ZFP30: variants seen among roughly 807,000 people sequenced by gnomAD.
ZFP30 encodes the protein ZFP30 zinc finger protein, also known as zinc finger protein 30 homolog.
In ZFP30, 16 loss-of-function variants were observed where a neutral mutation model predicts 12.3. The observed-to-expected ratio is 1.30, with a 90% CI of 0.88 to 1.98. ZFP30 has a LOEUF of 1.98. Ranked by LOEUF, ZFP30 falls within the 30% of genes most tolerant of loss-of-function variation. The pLI is 0.00. For synonymous variants in ZFP30, 172 were observed against 201.0 expected (o/e 0.86, Z 1.22); for missense variants, 560 against 611.2 (o/e 0.92, Z 0.88).
intron 2 of ZFP30, among the ~76,000 whole-genome samples, chr19:37,648,215 T>C (rs1230463155): frequency 6.6e-6 from 1 of 152,186 alleles, no homozygotes; most frequent in Non-Finnish European, 1.5e-5. Context: ...GAATGGGTTG[T>C]GCAGACCTGT....
chr19:37,638,996 A>C (rs922028474), intron 5 of ZFP30, among the ~76,000 whole-genome samples: 6 of 152,198 alleles, frequency 3.9e-5, no homozygotes, highest in African/African-American at 1.4e-4. Flanking sequence ...GTATACGCTA[A>C]AAAGATAGTA....
In ZFP30 at chr19:37,647,828, T is replaced by C. The variant is rs745601095; in HGVS notation, c.-6A>G. 24 of 1,614,206 alleles carry C rather than the reference T, an allele frequency of 1.5e-5. No homozygotes were observed. The highest frequency in any genetic ancestry group is 2.0e-5 in the Non-Finnish European group (24 of 1,180,040). The stretch of plus-strand genomic sequence containing the variant: ...TTCCAACTTACACGAGCCATGATTT[T>C]AGAACTGCTAGAACTGGTCAATTTT... On this transcript the variant is annotated 5_prime_UTR_variant, in exon 3 of 6. Transcript: ENST00000684514.
chr19:37,634,975 T>C lies in ZFP30; in HGVS notation c.*6A>G. On this transcript the variant is annotated 3_prime_UTR_variant, in exon 6 of 6. Transcript: ENST00000684514. ...AAAATTCGCAAAGGAAGAGTTCTAA[T>C]AATTATTAAGTTACATTATGAATTC... 1 of 1,530,464 alleles carries C rather than the reference T, an allele frequency of 6.5e-7. No homozygotes were observed. The highest frequency in any genetic ancestry group is 8.8e-7 in the Non-Finnish European group (1 of 1,142,748). The allele number at this position is 1,530,464 out of a possible 1,614,324, so 94.8% of individuals were successfully genotyped here. A position where few individuals can be genotyped will look rare whatever the true frequency, so the allele number is the denominator to read the frequency against.
intron 5 of ZFP30, among the ~76,000 whole-genome samples, chr19:37,640,398 CATT>C (rs1261349199): frequency 3.4e-5 from 5 of 149,228 alleles, no homozygotes; most frequent in East Asian, 1.9e-4. Context: ...TTAATATTAA[CATT>C]ATTTAATTAT....
In ZFP30 at chr19:37,635,802, A is replaced by T; in HGVS notation, c.739T>A (p.Cys247Ser). ...IGEKPYECKE[C>S]GKAFRVRGQL... ...CCTCTAACTCTAAAGGCTTTCCCAC[A>T]TTCTTTACATTCATACGGCTTCTCA... The change falls in exon 6 of 6, where the codon TGT becomes AGT. Residue 247 changes from cysteine to serine, a missense_variant. By Grantham distance (112) the Cys-to-Ser change is moderately radical (BLOSUM62 -1). Transcript: ENST00000684514. 6.2e-7 allele frequency: 1 copy of T among 1,614,122 alleles called. No homozygotes were observed. The highest frequency in any genetic ancestry group is 8.5e-7 in the Non-Finnish European group (1 of 1,180,046).
chr19:37,647,798 A>G lies in ZFP30; in HGVS notation c.9+16T>C. The G allele has an allele frequency of 6.2e-7, 1 of 1,614,104 alleles. No individual in the cohort carries two copies. The highest frequency in any genetic ancestry group is 8.5e-7 in the Non-Finnish European group (1 of 1,180,002). ...AAAATGACAGAATTCCAAAGTAGAG[A>G]GAAATTCCAACTTACACGAGCCATG... On this transcript the variant is annotated intron_variant, in intron 3 of 5. Coordinates refer to ENST00000684514, the MANE Select transcript of ZFP30 (RefSeq NM_001320669.3).
intron 2 of ZFP30, among the ~76,000 whole-genome samples, chr19:37,653,596 T>A (rs566306632): frequency 3.9e-5 from 6 of 152,356 alleles, no homozygotes; most frequent in Admixed American, 3.9e-4. Context: ...TATTATTGCA[T>A]AACATTCCAT....
chr19:37,635,517 T>G lies in ZFP30; in HGVS notation c.1024A>C (p.Thr342Pro). The change falls in exon 6 of 6, where the codon ACT becomes CCT. Residue 342 changes from threonine (T) to proline (P), a missense_variant. Physicochemically the swap from Thr to Pro is conservative, Grantham distance 38. Coordinates refer to ENST00000684514, the MANE Select transcript of ZFP30 (RefSeq NM_001320669.3). The part of the protein sequence containing the change: ...GKAFRVRQQL[T>P]LHQRIHTGEK... ...CCAGTGTGAATTCTCTGATGGAGAG[T>G]AAGTTGCTGCCGCACTCTAAAGGCC... is the stretch of plus-strand genomic sequence containing the variant. 2.5e-6 allele frequency: 4 copies of G among 1,613,922 alleles called. No individual in the cohort carries two copies. The highest frequency in any genetic ancestry group is 3.4e-6 in the Non-Finnish European group (4 of 1,179,966).
chr19:37,640,465 T>C (rs1007383058), intron 5 of ZFP30, among the ~76,000 whole-genome samples: 2 of 150,472 alleles, frequency 1.3e-5, no homozygotes, highest in Non-Finnish European at 3.0e-5. Flanking sequence ...CAAATACTAG[T>C]TTGGATTCTA....
chr19:37,653,854 AAACAG>A (rs1307320171), intron 2 of ZFP30, among the ~76,000 whole-genome samples: 2 of 152,204 alleles, frequency 1.3e-5, no homozygotes, highest in Admixed American at 1.3e-4. Flanking sequence ...GAAAGCTCAT[AAACAG>A]AGTCCAAGGA....
At chr19:37,655,466 A>T (rs1157639441), upstream of ZFP30, 2 of 152,330 alleles carry the variant, frequency 1.3e-5, no homozygotes, top group Non-Finnish European at 2.9e-5. Context: ...GCGCCAGAAT[A>T]CGGGAGAGCG....
chr19:37,636,124 G>T lies in ZFP30; in HGVS notation c.417C>A (p.Tyr139Ter), dbSNP rs773892553. 3.1e-6 allele frequency: 5 copies of T among 1,614,154 alleles called. No homozygotes were observed. The Admixed American group carries it at 5.0e-5, about 16-fold the overall frequency. The change falls in exon 6 of 6, where the codon TAC becomes TAA. Residue 139 changes from tyrosine to a stop codon, truncating the protein, a stop_gained. Transcript: ENST00000684514. LOFTEE classifies it low-confidence loss of function (END_TRUNC). Reference protein sequence around the residue: ...TKTTSEKMPTYRKLTSLPLYQ... With the variant: ...TKTTSEKMPT ...ACAGAGGAAGAGATGTGAGTTTTCTGTAAGTAGGCATTTTTTCAGAGGTGG... is the reference window on the plus strand; with the variant it reads ...ACAGAGGAAGAGATGTGAGTTTTCTTTAAGTAGGCATTTTTTCAGAGGTGG...
At position 37,635,136 on chromosome 19, in the gene ZFP30, T is replaced by C. The variant is rs754503246; in HGVS notation, c.1405A>G (p.Lys469Glu). The change falls in exon 6 of 6, where the codon AAG (lysine) becomes GAG (glutamate). Residue 469 changes from lysine (K) to glutamate (E), a missense_variant. Physicochemically the swap from Lys to Glu is moderately conservative, Grantham distance 56 (BLOSUM62 1). Coordinates refer to ENST00000684514, the MANE Select transcript of ZFP30 (RefSeq NM_001320669.3). ...AGTCTAAAGGCCTTTCCACATTCCTTACAGTCATAGGGCTTTTCACCAGTA... is the reference window on the plus strand; with the variant it reads ...AGTCTAAAGGCCTTTCCACATTCCTCACAGTCATAGGGCTTTTCACCAGTA... ...IHTGEKPYDCKECGKAFRLHS... is the reference protein window; with the variant it reads ...IHTGEKPYDCEECGKAFRLHS... 8.1e-6 allele frequency: 13 copies of C among 1,613,092 alleles called. No homozygotes were observed. In the East Asian group the frequency reaches 1.6e-4, roughly 19 times the overall value.
Position 37,643,364 on chromosome 19 carries a change from C to A in ZFP30, c.137-1G>T. Reference sequence around the variant, plus strand: ...TCTGGCTTAGAAATAGAACATCCTGCTTAAAAATAAATAATAGAATATAAT... The same window carrying A: ...TCTGGCTTAGAAATAGAACATCCTGATTAAAAATAAATAATAGAATATAAT... On this transcript the variant is annotated splice_acceptor_variant, in intron 4 of 5. Transcript: ENST00000684514. LOFTEE classifies it high-confidence loss of function. 6.4e-7 allele frequency: 1 copy of A among 1,567,048 alleles called. No individual in the cohort carries two copies. Among genetic ancestry groups the A allele is most frequent in the Admixed American group, 1.8e-5 (1 of 54,202 alleles).
intron 5 of ZFP30, among the ~76,000 whole-genome samples, chr19:37,639,072 G>C (rs188231151): frequency 3.3e-5 from 5 of 152,242 alleles, no homozygotes; most frequent in Admixed American, 3.3e-4. Context: ...GAATGGAACA[G>C]AAAATACTGC....
At chr19:37,646,185 T>C (rs181493532) in intron 3 of ZFP30, among the ~76,000 whole-genome samples, 1 of 152,132 alleles carries the variant, frequency 6.6e-6, no homozygotes, top group Admixed American at 6.6e-5. Flanking sequence ...CAAAACAACA[T>C]CATAAATATA....
rs1394798937 is a variant in ZFP30 at position 37,631,408 on chromosome 19, G to C, written c.*3573C>G. Reference sequence around the variant, plus strand: ...TTTCTAAAAATACCATCAAGCACTAGTGTTTCCTGGGAAATGGTTTCAAAT... The same window carrying C: ...TTTCTAAAAATACCATCAAGCACTACTGTTTCCTGGGAAATGGTTTCAAAT... On this transcript the variant is annotated 3_prime_UTR_variant, in exon 6 of 6. Transcript: ENST00000684514. 1.1e-4 allele frequency: 17 copies of C among 152,102 alleles called. No individual in the cohort carries two copies. Among genetic ancestry groups the C allele is most frequent in the Non-Finnish European group, 2.4e-4 (16 of 68,026 alleles). The allele number at this position is 152,102 out of a possible 1,614,324, so 9.4% of individuals were successfully genotyped here. A position where few individuals can be genotyped will look rare whatever the true frequency, so the allele number is the denominator to read the frequency against.
At chr19:37,649,246 T>TA (rs5827988) in intron 2 of ZFP30, among the ~76,000 whole-genome samples, 1,690 of 129,948 alleles carry the variant, frequency 0.013, 109 homozygotes, top group Admixed American at 0.09. Flanking sequence ...CCCTGTCTCT[T>TA]AAAAAAAAAA....
In ZFP30 at chr19:37,634,903, C is replaced by G; in HGVS notation, c.*78G>C. The G allele has an allele frequency of 3.5e-6, 5 of 1,412,440 alleles. No individual in the cohort carries two copies. Among genetic ancestry groups the G allele is most frequent in the Non-Finnish European group, 4.6e-6 (5 of 1,077,684 alleles). The allele number at this position is 1,412,440 out of a possible 1,614,324, so 87.5% of individuals were successfully genotyped here. ...GTGAGCATGAAGCAAAAGGGATTCCCACGTTCAAAAACCTTTCCTCTAGAA... is the reference window on the plus strand; with the variant it reads ...GTGAGCATGAAGCAAAAGGGATTCCGACGTTCAAAAACCTTTCCTCTAGAA... On this transcript the variant is annotated 3_prime_UTR_variant, in exon 6 of 6. Transcript: ENST00000684514.
Sources: allele counts gnomAD v4.1 joint callset (sites outside exome capture counted in the v4.1 genomes callset), GRCh38; gene constraint gnomAD v4.1.1; transcripts MANE v1.5; gene names NCBI Gene and HGNC (gene_info 2026-07-23, HGNC 2026-07-21).